API5: variants seen among roughly 807,000 people sequenced by gnomAD.
API5 encodes FIF.
A neutral mutation model predicts 71.9 loss-of-function variants in API5; 6 were observed. The ratio of observed to expected loss-of-function variants is 0.08; its 90% CI spans 0.05 to 0.16. The LOEUF (loss-of-function observed/expected upper bound fraction) is 0.16. Among genes scored for constraint, API5 ranks in the 10% least tolerant of loss-of-function variants. API5 has a pLI of 1.00. For synonymous variants in API5, 189 were observed against 221.3 expected (o/e 0.85, Z 1.30); for missense variants, 332 against 612.8 (o/e 0.54, Z 4.84).
chr11:43,318,135 G>A (rs1024740410), intron 1 of API5, among the ~76,000 whole-genome samples: 4 of 152,060 alleles, frequency 2.6e-5, no homozygotes, highest in South Asian at 2.1e-4. Context: ...TCAGCCTCCC[G>A]AGTAGCCGGG....
At position 43,323,480 on chromosome 11, in the gene API5, G is replaced by C; in HGVS notation, c.594G>C (p.Leu198=). ...GEEFVLFMKI[L]SGLKSLQTVS... is the part of the protein sequence containing the mutation. ...AATTTGTTCTATTTATGAAGATACTGTCTGGGTTAAAAAGCTTACAGACAG... is the reference window on the plus strand; with the variant it reads ...AATTTGTTCTATTTATGAAGATACTCTCTGGGTTAAAAAGCTTACAGACAG... Residue 198 remains leucine, a synonymous_variant, in exon 6 of 14, where the codon CTG becomes CTC. Transcript: ENST00000531273. The C allele has an allele frequency of 1.2e-6, 2 of 1,614,120 alleles. No individual in the cohort carries two copies. Among genetic ancestry groups the C allele is most frequent in the Non-Finnish European group, 1.7e-6 (2 of 1,180,002 alleles).
intron 8 of API5, among the ~76,000 whole-genome samples, chr11:43,328,222 G>A (rs1276901561): frequency 2.0e-5 from 3 of 152,114 alleles, no homozygotes; most frequent in Non-Finnish European, 1.5e-5. Flanking sequence ...TAACTTACTG[G>A]GTTGTTATAG....
Position 43,342,464 on chromosome 11 carries a change from G to A in API5, c.1529G>A (p.Arg510Gln), listed in dbSNP as rs745568127. 6.8e-6 allele frequency: 11 copies of A among 1,612,394 alleles called. No individual in the cohort carries two copies. Among genetic ancestry groups the A allele is most frequent in the Admixed American group, 3.3e-5 (2 of 59,888 alleles). The change falls in exon 14 of 14, where the codon CGA becomes CAA. Residue 510 changes from arginine to glutamine, a missense_variant. This residue lies in a region of API5 where 168 missense variants were observed against 343.9 expected (regional missense o/e 0.49). Coordinates refer to ENST00000531273, the MANE Select transcript of API5 (RefSeq NM_001142930.2). ...GCCTTCAGGGGAAGTAGAGGTGGCC[G>A]AGGTTGGGGCACACGAGGAAATCGT... ...RGAFRGSRGG[R>Q]GWGTRGNRSR...
chr11:43,320,883 G>A lies in API5; in HGVS notation c.294G>A (p.Val98=). 1 of 1,612,130 alleles carries A rather than the reference G, an allele frequency of 6.2e-7. No individual in the cohort carries two copies. The highest frequency in any genetic ancestry group is 8.5e-7 in the Non-Finnish European group (1 of 1,179,978). The part of the protein sequence containing the change: ...QFATGENLPR[V]ADILTQLLQT... ...CCACTGGAGAAAATCTTCCTCGAGT[G>A]GCAGATATACTAACGCAACTTTTGC... is the stretch of plus-strand genomic sequence containing the variant. Residue 98 remains valine (V), a synonymous_variant, in exon 3 of 14, where the codon GTG becomes GTA. Coordinates refer to ENST00000531273, the MANE Select transcript of API5 (RefSeq NM_001142930.2).
At chr11:43,325,960 A>G (rs149147692) in intron 6 of API5, among the ~76,000 whole-genome samples, 1 of 152,194 alleles carries the variant, frequency 6.6e-6, no homozygotes, top group Non-Finnish European at 1.5e-5. Flanking sequence ...CTAGGAAAGC[A>G]TCACCAGAGT....
At chr11:43,328,299 T>C (rs1855141686) in intron 8 of API5, among the ~76,000 whole-genome samples, 1 of 152,204 alleles carries the variant, frequency 6.6e-6, no homozygotes. Flanking sequence ...AATATGGACT[T>C]ACGTTCAGAA....
rs1243836711 is a variant in API5, at chr11:43,344,340, C to G, written c.*1830C>G. 6.6e-6 allele frequency: 1 copy of G among 152,576 alleles called. No homozygotes were observed. Among genetic ancestry groups the G allele is most frequent in the Non-Finnish European group, 1.5e-5 (1 of 68,034 alleles). The allele number at this position is 152,576 out of a possible 1,614,324, so 9.5% of individuals were successfully genotyped here. Reference sequence around the variant, plus strand: ...CAAGTTTGATACTGAGTTGACTGTTCCCTTATCCCTCACCCTTCCCCTTCC... The same window carrying G: ...CAAGTTTGATACTGAGTTGACTGTTGCCTTATCCCTCACCCTTCCCCTTCC... On this transcript the variant is annotated 3_prime_UTR_variant, in exon 14 of 14. Transcript: ENST00000531273.
At chr11:43,328,582 T>C in intron 8 of API5, 130 bp from the exon 9 acceptor site, 1 of 798,190 alleles carries the variant, frequency 1.3e-6, no homozygotes. Flanking sequence ...AAAAAAGAAA[T>C]CCAAATGTCT....
chr11:43,316,169 C>T (rs1044020452), intron 1 of API5, among the ~76,000 whole-genome samples: 3 of 152,046 alleles, frequency 2.0e-5, no homozygotes, highest in East Asian at 3.9e-4. Flanking sequence ...CAACCAAGTT[C>T]GTAATCCCTC....
intron 12 of API5, 86 bp from the exon 13 acceptor site, chr11:43,335,772 C>T: frequency 7.1e-7 from 1 of 1,404,836 alleles, no homozygotes; most frequent in Non-Finnish European, 9.5e-7. Context: ...GATGTCTTTC[C>T]TAACTGATAT....
At chr11:43,318,883 T>A in intron 2 of API5, 82 bp downstream of exon 2, 1 of 1,367,222 alleles carries the variant, frequency 7.3e-7, no homozygotes, top group South Asian at 1.3e-5. Flanking sequence ...CAATCTGATA[T>A]ATCAGAGTAC....
At position 43,329,917 on chromosome 11, in the gene API5, CA is replaced by C. The variant is rs765543788; in HGVS notation, c.1128-44del. The C allele has an allele frequency of 3.9e-6, 6 of 1,543,632 alleles. No homozygotes were observed. The African/African-American group carries it at 8.2e-5, about 21-fold the overall frequency. On this transcript the variant is annotated intron_variant, in intron 9 of 13. Transcript: ENST00000531273. ...TGTAGTATAAGATTGAGTTTAAAAA[CA>C]AAATTGAAGTGATGAATTGCTAATT...
At chr11:43,329,882 A>C in intron 9 of API5, 83 bp from the exon 10 acceptor site, 4 of 1,111,424 alleles carry the variant, frequency 3.6e-6, no homozygotes, top group Non-Finnish European at 5.4e-6. Flanking sequence ...TGCACTTAGG[A>C]TCATTTTGCT....
chr11:43,312,228 C>T (rs759132924), intron 1 of API5, 32 bp downstream of exon 1: 4 of 1,606,606 alleles, frequency 2.5e-6, no homozygotes, highest in Non-Finnish European at 3.4e-6. Flanking sequence ...CCTGCAGGGC[C>T]TGGCGCTCCG....
chr11:43,320,184 T>C (rs1809683123), intron 2 of API5, among the ~76,000 whole-genome samples: 1 of 151,814 alleles, frequency 6.6e-6, no homozygotes, highest in African/African-American at 2.4e-5. Flanking sequence ...TAGCTGGGAC[T>C]ATAGGCGTGT....
rs372172690 is a variant in API5, at chr11:43,342,555, T to C, written c.*45T>C. The C allele has an allele frequency of 6.3e-7, 1 of 1,589,492 alleles. No homozygotes were observed. The highest frequency in any genetic ancestry group is 8.6e-7 in the Non-Finnish European group (1 of 1,158,506). On this transcript the variant is annotated 3_prime_UTR_variant, in exon 14 of 14. Coordinates refer to ENST00000531273, the MANE Select transcript of API5 (RefSeq NM_001142930.2). Reference sequence around the variant, plus strand: ...CAGCATTGTCATGAGCTTAATATACTTAAATTCTACTACTCATTGGATTGC... The same window carrying C: ...CAGCATTGTCATGAGCTTAATATACCTAAATTCTACTACTCATTGGATTGC...
intron 13 of API5, among the ~76,000 whole-genome samples, chr11:43,340,065 C>A (rs1391615858): frequency 6.7e-6 from 1 of 149,868 alleles, no homozygotes; most frequent in African/African-American, 2.4e-5. Flanking sequence ...TACCAAAAAA[C>A]TCATAGAACT....
At chr11:43,336,556 T>A (rs375414958) in intron 13 of API5, among the ~76,000 whole-genome samples, 1 of 152,304 alleles carries the variant, frequency 6.6e-6, no homozygotes, top group East Asian at 1.9e-4. Flanking sequence ...CTATTCCCCT[T>A]TAGCCATTAG....
intron 11 of API5, among the ~76,000 whole-genome samples, chr11:43,332,529 A>G (rs181726242): frequency 6.6e-6 from 1 of 152,302 alleles, no homozygotes; most frequent in East Asian, 1.9e-4. Flanking sequence ...TATAAAGGAT[A>G]CATATGAACA....
Sources: gnomAD v4.1 joint callset for allele counts (sites outside exome capture counted in the v4.1 genomes callset) on GRCh38, gnomAD v4.1.1 for gene constraint, gnomAD v4.1.1 regional missense constraint, MANE v1.5 for transcripts, NCBI Gene and HGNC (gene_info 2026-07-23, HGNC 2026-07-21) for gene names.